The following ZNF343 variants were observed in gnomAD, a reference collection of about 807,000 sequenced individuals.
The protein encoded by ZNF343 is zinc finger protein 343.
Under a neutral mutation model 13.8 loss-of-function variants are expected in ZNF343, and 11 were observed. That is an observed-to-expected ratio of 0.80 (90% CI 0.50 to 1.32). The LOEUF is 1.32. Among genes scored for constraint, ZNF343 ranks in the 40% most tolerant of loss-of-function variants. The pLI, the probability that ZNF343 is intolerant of heterozygous loss-of-function variation, is 0.00. For synonymous variants in ZNF343, 248 were observed against 260.0 expected (o/e 0.95, Z 0.44); for missense variants, 658 against 714.2 (o/e 0.92, Z 0.90).
chr20:2,507,572 G>A (rs946055675), intron 1 of ZNF343, among the ~76,000 whole-genome samples: 3 of 152,150 alleles, frequency 2.0e-5, no homozygotes, highest in African/African-American at 7.2e-5. Flanking sequence ...TCCTCAAATT[G>A]ACAATGCTAG....
At position 2,484,027 on chromosome 20, in the gene ZNF343, G is replaced by A; in HGVS notation, c.934C>T (p.Leu312Phe). ...GAATGTGTTCTCTGGTGTCTGCTGA[G>A]GTTGGACTTCTGGCTAAAACCTCGC... ...CGRGFSQKSN[L>F]SRHQRTHSEE... The change falls in exon 6 of 6, where the codon CTC (leucine) becomes TTC (phenylalanine). Residue 312 changes from leucine to phenylalanine, a missense_variant. Coordinates refer to ENST00000278772, the MANE Select transcript of ZNF343 (RefSeq NM_024325.6). 1.2e-6 allele frequency: 2 copies of A among 1,614,150 alleles called. No individual in the cohort carries two copies. The highest frequency in any genetic ancestry group is 1.7e-6 in the Non-Finnish European group (2 of 1,180,032).
At chr20:2,493,113 A>G (rs969319185) in intron 4 of ZNF343, 1 of 490,210 alleles carries the variant, frequency 2.0e-6, no homozygotes, top group African/African-American at 2.0e-5. Context: ...TGTGTTTAAG[A>G]CAGTGACTTT....
chr20:2,504,478 C>A (rs1187716119), intron 1 of ZNF343, among the ~76,000 whole-genome samples: 1 of 152,136 alleles, frequency 6.6e-6, no homozygotes, highest in South Asian at 2.1e-4. Flanking sequence ...GATACCAAAG[C>A]CTGGCAGAGA....
At chr20:2,505,247 G>C (rs1460724021) in intron 1 of ZNF343, among the ~76,000 whole-genome samples, 1 of 152,072 alleles carries the variant, frequency 6.6e-6, no homozygotes, top group Non-Finnish European at 1.5e-5. Context: ...AACTTACAAG[G>C]GACGTGAAGG....
chr20:2,493,676 G>A, intron 3 of ZNF343, 99 bp from the exon 4 acceptor site: 1 of 1,329,264 alleles, frequency 7.5e-7, no homozygotes, highest in Non-Finnish European at 1.1e-6. Flanking sequence ...TTAGGATGAA[G>A]GAAGTAGTCA....
At chr20:2,484,917 T>G (rs2085259208) in intron 5 of ZNF343, among the ~76,000 whole-genome samples, 2 of 152,174 alleles carry the variant, frequency 1.3e-5, no homozygotes, top group African/African-American at 4.8e-5. Flanking sequence ...CAATCATAGT[T>G]AGCCTTCTCC....
At chr20:2,500,098 A>C (rs896973338) in intron 2 of ZNF343, among the ~76,000 whole-genome samples, 3 of 152,110 alleles carry the variant, frequency 2.0e-5, no homozygotes, top group Non-Finnish European at 4.4e-5. Flanking sequence ...ATACTCCAGC[A>C]GCAAAAACAA....
intron 1 of ZNF343, among the ~76,000 whole-genome samples, chr20:2,514,369 T>C (rs909051594): frequency 2.0e-5 from 3 of 152,334 alleles, no homozygotes; most frequent in African/African-American, 7.2e-5. Flanking sequence ...GGAGCATTTA[T>C]GAAAATGAGC....
intron 5 of ZNF343, among the ~76,000 whole-genome samples, chr20:2,489,985 G>GA (rs11482964): frequency 0.2 from 28,855 of 145,550 alleles, 3,007 homozygotes; most frequent in South Asian, 0.27. Context: ...AACCCTGTCT[G>GA]AAAAAAAAAG....
chr20:2,502,718 C>T (rs2085590215), intron 1 of ZNF343, among the ~76,000 whole-genome samples: 1 of 152,094 alleles, frequency 6.6e-6, no homozygotes, highest in Admixed American at 6.5e-5. Context: ...AACTAAGCTT[C>T]GTAAGTGAAG....
Position 2,494,047 on chromosome 20 carries a change from G to C in ZNF343, c.-149-3C>G. On this transcript the variant is annotated splice_polypyrimidine_tract_variant and splice_region_variant and intron_variant, in intron 2 of 5. Transcript: ENST00000278772. ...GCTTGTTTCCCTGCAGCCAGGACCT[G>C]TGGGATGAAGAAGCAATTTGCTATT... The C allele has an allele frequency of 1.6e-6, 1 of 641,264 alleles. No individual in the cohort carries two copies. Among genetic ancestry groups the C allele is most frequent in the Non-Finnish European group, 2.7e-6 (1 of 364,024 alleles). 39.7% of individuals were successfully genotyped at this position (641,264 alleles called of 1,614,324 possible).
At chr20:2,512,801 T>C (rs559571262), upstream of ZNF343, among the ~76,000 whole-genome samples, 1 of 151,900 alleles carries the variant, frequency 6.6e-6, no homozygotes, top group South Asian at 2.1e-4. Flanking sequence ...GAAAAATAAA[T>C]TGGGCCAGTC....
intron 5 of ZNF343, among the ~76,000 whole-genome samples, chr20:2,485,528 T>A (rs888279493): frequency 3.3e-5 from 5 of 152,318 alleles, no homozygotes; most frequent in Admixed American, 2.6e-4. Context: ...GTATCTGTCC[T>A]TAAAAACTCA....
intron 5 of ZNF343, among the ~76,000 whole-genome samples, chr20:2,490,199 T>C (rs917047740): frequency 6.6e-6 from 1 of 152,086 alleles, no homozygotes; most frequent in East Asian, 1.9e-4. Flanking sequence ...GAGACAGCGA[T>C]AGATAATGGC....
At chr20:2,490,325 G>A (rs1490488995) in intron 5 of ZNF343, among the ~76,000 whole-genome samples, 1 of 152,012 alleles carries the variant, frequency 6.6e-6, no homozygotes, top group African/African-American at 2.4e-5. Context: ...CTGCAGCCCA[G>A]AGAAAAGAAA....
upstream of ZNF343, chr20:2,509,246 CGT>C (rs2085721215): frequency 6.6e-6 from 1 of 152,224 alleles, no homozygotes; most frequent in Non-Finnish European, 1.5e-5. Flanking sequence ...GTCTGTCAGG[CGT>C]GTGTTGGGTA....
chr20:2,499,566 C>T lies in ZNF343; in HGVS notation c.-150+1090G>A, dbSNP rs138072906. ...TCCTTCAGAGGAGCAACTTAAAAGGCAGGGTGGAAGGTGAACTAGAATGTG... is the reference window on the plus strand; with the variant it reads ...TCCTTCAGAGGAGCAACTTAAAAGGTAGGGTGGAAGGTGAACTAGAATGTG... On this transcript the variant is annotated intron_variant, in intron 2 of 5. Coordinates refer to ENST00000278772, the MANE Select transcript of ZNF343 (RefSeq NM_024325.6). Among the ~76,000 whole-genome samples, 47 of 149,462 alleles carry T rather than the reference C, an allele frequency of 3.1e-4. No individual in the cohort carries two copies. In the East Asian group the frequency reaches 8.9e-3, roughly 28 times the overall value.
At chr20:2,505,627 A>G (rs1389888078) in intron 1 of ZNF343, among the ~76,000 whole-genome samples, 1 of 152,224 alleles carries the variant, frequency 6.6e-6, no homozygotes, top group Non-Finnish European at 1.5e-5. Context: ...GAGCCCTCAG[A>G]AATAATGCCG....
intron 1 of ZNF343, among the ~76,000 whole-genome samples, chr20:2,524,149 G>A (rs1277193996): frequency 1.3e-5 from 2 of 151,948 alleles, no homozygotes; most frequent in South Asian, 2.1e-4. Context: ...GTAAGACCCT[G>A]TCTCTCTACA....
Sources: gnomAD v4.1 joint callset for allele counts (sites outside exome capture counted in the v4.1 genomes callset) on GRCh38, gnomAD v4.1.1 for gene constraint, MANE v1.5 for transcripts, NCBI Gene and HGNC (gene_info 2026-07-23, HGNC 2026-07-21) for gene names.